Variants in HDAC9 observed in about 807,000 individuals in gnomAD.
The protein encoded by HDAC9 is histone deacetylase 9, also known as MEF-2 interacting transcription repressor (MITR) protein.
Under a neutral mutation model 139.4 loss-of-function variants are expected in HDAC9, and 41 were observed. The ratio of observed to expected loss-of-function variants is 0.29; its 90% confidence interval spans 0.23 to 0.38. The LOEUF is 0.38. Ranked by LOEUF, HDAC9 falls within the 10% of genes least tolerant of loss-of-function variation. The probability of loss-of-function intolerance (pLI) is 1.00; values close to 1 mark genes in which losing one functional copy is unlikely to be tolerated. For missense variants in HDAC9, 1,147 were observed against 1,297.0 expected (o/e 0.88, Z 1.78); for synonymous variants, 517 against 476.2 (o/e 1.09, Z -1.12).
At chr7:18,639,938 C>T (rs190323737) in intron 8 of HDAC9, among the ~76,000 whole-genome samples, 3 of 152,158 alleles carry the variant, frequency 2.0e-5, no homozygotes, top group Admixed American at 2.0e-4. Context: ...AAGTATAAGA[C>T]ACTTAGGCCA....
chr7:18,699,968 C>T (rs779482095), intron 12 of HDAC9, among the ~76,000 whole-genome samples: 4 of 151,718 alleles, frequency 2.6e-5, no homozygotes, highest in East Asian at 1.9e-4. Flanking sequence ...GACATGTTAA[C>T]GTTGTTCTGT....
chr7:18,667,965 T>C (rs1332081645), intron 12 of HDAC9: 13 of 970,728 alleles, frequency 1.3e-5, no homozygotes, highest in Non-Finnish European at 1.6e-5. Flanking sequence ...GTTTTTTCTA[T>C]TAAAATATTT....
At chr7:18,318,704 A>C (rs975177213) in intron 1 of HDAC9, among the ~76,000 whole-genome samples, 1 of 152,184 alleles carries the variant, frequency 6.6e-6, no homozygotes, top group Non-Finnish European at 1.5e-5. Context: ...TATTACAGAG[A>C]AGGTCTGTGC....
chr7:18,403,012 C>G (rs762533338), intron 1 of HDAC9, among the ~76,000 whole-genome samples: 8 of 152,172 alleles, frequency 5.3e-5, no homozygotes, highest in Admixed American at 2.0e-4. Flanking sequence ...CCTGAAAAGT[C>G]CCTTGCTTGA....
intron 6 of HDAC9, among the ~76,000 whole-genome samples, chr7:18,597,171 C>G (rs1832731591): frequency 6.6e-6 from 1 of 152,148 alleles, no homozygotes; most frequent in Admixed American, 6.6e-5. Flanking sequence ...AAAGTTGGCT[C>G]TAATCATGCC....
intron 12 of HDAC9, chr7:18,667,732 C>T: frequency 7.1e-6 from 7 of 983,602 alleles, no homozygotes; most frequent in Non-Finnish European, 8.4e-6. Flanking sequence ...TTTACTCTTT[C>T]TGTTTTTAAA....
At chr7:18,733,079 A>C (rs1424258578) in intron 13 of HDAC9, among the ~76,000 whole-genome samples, 1 of 146,086 alleles carries the variant, frequency 6.8e-6, no homozygotes, top group Non-Finnish European at 1.5e-5. Context: ...ATACACATGT[A>C]TACACATATA....
intron 1 of HDAC9, among the ~76,000 whole-genome samples, chr7:18,319,891 G>A (rs1007943630): frequency 4.6e-5 from 7 of 151,964 alleles, no homozygotes; most frequent in Non-Finnish European, 7.3e-5. Context: ...CAAACTGAGT[G>A]AGAAAAGTAA....
chr7:18,508,545 G>A (rs543634896), intron 2 of HDAC9, among the ~76,000 whole-genome samples: 2 of 152,230 alleles, frequency 1.3e-5, no homozygotes, highest in African/African-American at 4.8e-5. Context: ...AACTTGAAGT[G>A]AAGGCTCTTT....
chr7:18,790,281 G>A (rs144860259), intron 16 of HDAC9, among the ~76,000 whole-genome samples: 50 of 152,034 alleles, frequency 3.3e-4, no homozygotes, highest in African/African-American at 1.1e-3. Context: ...AGCTCAAATC[G>A]CTAATCTGAT....
intron 12 of HDAC9, among the ~76,000 whole-genome samples, chr7:18,685,562 T>C (rs1485563956): frequency 6.6e-6 from 1 of 152,070 alleles, no homozygotes; most frequent in African/African-American, 2.4e-5. Flanking sequence ...ATGACCATCT[T>C]AGTTTTAAAA....
In HDAC9 at chr7:18,520,673, TA is replaced by T. The variant is rs573529500; in HGVS notation, c.22+24350del. Among the ~76,000 whole-genome samples the T allele has an allele frequency of 3.9e-5, 6 of 152,280 alleles. No individual in the cohort carries two copies. In the East Asian group the frequency reaches 1.2e-3, roughly 29 times the overall value. On this transcript the variant is annotated intron_variant, in intron 2 of 25. Coordinates refer to ENST00000686413, the MANE Select transcript of HDAC9 (RefSeq NM_178425.4). ...TGTAGAATAATAATATGTCAACACA[TA>T]TTTTCCAAAATAACAGTCCTACTAC...
At chr7:18,221,106 C>CTTTTTTTTTTT (rs537033538) in intron 2 of HDAC9, among the ~76,000 whole-genome samples, 114 of 139,620 alleles carry the variant, frequency 8.2e-4, no homozygotes, top group African/African-American at 1.7e-3. Flanking sequence ...ATTTCTATTC[C>CTTTTTTTTTTT]TTTTTTTTTT....
chr7:18,503,319 A>C (rs1586396524), intron 2 of HDAC9, among the ~76,000 whole-genome samples: 1 of 152,158 alleles, frequency 6.6e-6, no homozygotes. Flanking sequence ...TAAGGAAGCA[A>C]AGAAAGAGGA....
At chr7:18,963,658 CT>C (rs1256116229) in intron 24 of HDAC9, among the ~76,000 whole-genome samples, 4 of 152,020 alleles carry the variant, frequency 2.6e-5, no homozygotes, top group Non-Finnish European at 5.9e-5. Flanking sequence ...ACAGAGTTTT[CT>C]TTTTTTCTAA....
intron 16 of HDAC9, among the ~76,000 whole-genome samples, chr7:18,790,226 T>A (rs1792178468): frequency 6.6e-6 from 1 of 152,218 alleles, no homozygotes; most frequent in Non-Finnish European, 1.5e-5. Flanking sequence ...TGGGATTTAA[T>A]CTTACTATGA....
intron 1 of HDAC9, among the ~76,000 whole-genome samples, chr7:18,376,410 A>AG (rs1784998469): frequency 6.6e-6 from 1 of 152,232 alleles, no homozygotes; most frequent in Non-Finnish European, 1.5e-5. Flanking sequence ...TCATAGAATG[A>AG]GTACATACTT....
chr7:18,401,583 C>A (rs1018416637), intron 1 of HDAC9, among the ~76,000 whole-genome samples: 1 of 152,198 alleles, frequency 6.6e-6, no homozygotes, highest in Non-Finnish European at 1.5e-5. Flanking sequence ...AATGCCTCAG[C>A]AGAACTGGAT....
At chr7:18,292,614 A>AT (rs1797881257) in intron 1 of HDAC9, among the ~76,000 whole-genome samples, 1 of 152,132 alleles carries the variant, frequency 6.6e-6, no homozygotes, top group Admixed American at 6.6e-5. Flanking sequence ...GTAAAAAAAA[A>AT]GAAATGCTCT....
Sources: allele counts gnomAD v4.1 joint callset (sites outside exome capture counted in the v4.1 genomes callset), GRCh38; gene constraint gnomAD v4.1.1; transcripts MANE v1.5; gene names NCBI Gene and HGNC (gene_info 2026-07-23, HGNC 2026-07-21).